SGCE: variants seen among roughly 807,000 people sequenced by gnomAD.
SGCE encodes sarcoglycan epsilon, also known as epsilon-sarcoglycan.
A neutral mutation model predicts 57.8 loss-of-function variants in SGCE; 26 were observed. The ratio of observed to expected loss-of-function variants is 0.45; its 90% CI spans 0.33 to 0.62. The LOEUF is 0.62. SGCE is among the 20% of genes least tolerant of loss of function. The pLI, the probability that SGCE is intolerant of heterozygous loss-of-function variation, is 0.02. For synonymous variants in SGCE, 183 were observed against 189.5 expected (o/e 0.97, Z 0.28); for missense variants, 468 against 548.6 (o/e 0.85, Z 1.47).
intron 1 of SGCE, among the ~76,000 whole-genome samples, chr7:94,651,256 A>C (rs533729920): frequency 6.6e-6 from 1 of 152,190 alleles, no homozygotes. Context: ...CCACTTAAAA[A>C]CCATGTTAAC....
At chr7:94,652,860 T>C (rs1344501451) in intron 1 of SGCE, among the ~76,000 whole-genome samples, 1 of 152,198 alleles carries the variant, frequency 6.6e-6, no homozygotes, top group Admixed American at 6.5e-5. Context: ...AGTCAGCAGG[T>C]TCGTAAATCC....
At chr7:94,587,922 C>T in intron 10 of SGCE, 3 of 1,449,130 alleles carry the variant, frequency 2.1e-6, no homozygotes, top group Non-Finnish European at 2.7e-6. Context: ...AGTTTCCCTA[C>T]CACAATGCCG....
chr7:94,603,557 C>T (rs1799606718), intron 5 of SGCE, 105 bp from the exon 6 acceptor site: 2 of 1,032,746 alleles, frequency 1.9e-6, no homozygotes, highest in African/African-American at 1.6e-5. Context: ...GAGAGATTAA[C>T]TAGACTCATC....
chr7:94,626,838 GC>G (rs919810337), intron 3 of SGCE: 4 of 151,906 alleles, frequency 2.6e-5, no homozygotes, highest in African/African-American at 9.7e-5. Flanking sequence ...GTAAAAACTG[GC>G]AAATTAAGGA....
At chr7:94,623,269 A>AT in intron 4 of SGCE, 56 bp downstream of exon 4, 1 of 1,102,604 alleles carries the variant, frequency 9.1e-7, no homozygotes, top group East Asian at 2.6e-5. Flanking sequence ...GTAGTTATAA[A>AT]ACATAATGAA....
At chr7:94,593,685 G>A (rs1362358940) in intron 9 of SGCE, among the ~76,000 whole-genome samples, 3 of 151,970 alleles carry the variant, frequency 2.0e-5, no homozygotes, top group Non-Finnish European at 4.4e-5. Context: ...AGGAGGTATG[G>A]AAGAGTCTAG....
intron 1 of SGCE, among the ~76,000 whole-genome samples, chr7:94,633,052 C>A (rs935211767): frequency 2.6e-5 from 4 of 152,004 alleles, no homozygotes; most frequent in African/African-American, 9.7e-5. Flanking sequence ...ATCTAATAAT[C>A]TCTGAAATAT....
intron 3 of SGCE, 185 bp downstream of exon 3, chr7:94,628,017 A>T (rs950642163): frequency 3.7e-6 from 2 of 535,746 alleles, no homozygotes; most frequent in Admixed American, 6.3e-5. Flanking sequence ...TGAAACAAAA[A>T]CTTTATAAAC....
chr7:94,650,963 A>C (rs928025630), intron 1 of SGCE, among the ~76,000 whole-genome samples: 4 of 152,166 alleles, frequency 2.6e-5, no homozygotes, highest in Non-Finnish European at 4.4e-5. Flanking sequence ...ATTTGTCAAA[A>C]TCTCTCTTTA....
At chr7:94,605,526 G>C (rs959845232) in intron 5 of SGCE, among the ~76,000 whole-genome samples, 1 of 151,334 alleles carries the variant, frequency 6.6e-6, no homozygotes, top group Non-Finnish European at 1.5e-5. Context: ...AATGATACAA[G>C]AGAGATGAGG....
At chr7:94,597,315 T>A (rs1422014950) in intron 9 of SGCE, 1 of 152,194 alleles carries the variant, frequency 6.6e-6, no homozygotes, top group Non-Finnish European at 1.5e-5. Flanking sequence ...TAAGTGATGT[T>A]AGAGAACTTT....
intron 5 of SGCE, 84 bp from the exon 6 acceptor site, chr7:94,603,536 C>T (rs1799602998): frequency 1.5e-6 from 2 of 1,333,588 alleles, no homozygotes; most frequent in Non-Finnish European, 2.1e-6. Flanking sequence ...CAGGATTTAG[C>T]CTTTTGAATT....
At chr7:94,610,199 G>GGGGGGAA (rs1368226909) in intron 5 of SGCE, among the ~76,000 whole-genome samples, 5 of 152,130 alleles carry the variant, frequency 3.3e-5, no homozygotes, top group South Asian at 2.1e-4. Flanking sequence ...GCCAGAAGTT[G>GGGGGGAA]GGGGGAAGGA....
chr7:94,633,054 C>G (rs1293037262), intron 1 of SGCE, among the ~76,000 whole-genome samples: 2 of 152,034 alleles, frequency 1.3e-5, no homozygotes, highest in African/African-American at 4.8e-5. Context: ...CTAATAATCT[C>G]TGAAATATAC....
intron 2 of SGCE, chr7:94,629,467 A>T (rs768318670): frequency 8.0e-5 from 32 of 401,658 alleles, no homozygotes; most frequent in Non-Finnish European, 1.3e-4. Flanking sequence ...ATATAGGTAG[A>T]TCACTTGTCA....
chr7:94,607,001 A>T (rs1443787069), intron 5 of SGCE, among the ~76,000 whole-genome samples: 1 of 152,162 alleles, frequency 6.6e-6, no homozygotes, highest in Non-Finnish European at 1.5e-5. Flanking sequence ...GAATGCATAC[A>T]TTAGAAAAGA....
intron 1 of SGCE, among the ~76,000 whole-genome samples, chr7:94,655,108 G>A (rs781338063): frequency 2.6e-5 from 4 of 152,216 alleles, no homozygotes; most frequent in Non-Finnish European, 5.9e-5. Flanking sequence ...CCGCTGGAAA[G>A]GATTAAACGT....
At chr7:94,652,929 G>A in intron 1 of SGCE, among the ~76,000 whole-genome samples, 1 of 152,066 alleles carries the variant, frequency 6.6e-6, no homozygotes, top group East Asian at 1.9e-4. Flanking sequence ...GTTATTATTT[G>A]ACAACTGAAA....
chr7:94,586,397 A>G (rs1293191593), intron 10 of SGCE: 1 of 152,224 alleles, frequency 6.6e-6, no homozygotes, highest in African/African-American at 2.4e-5. Flanking sequence ...AGAAATTGAG[A>G]AATAAACTTT....
Sources: allele counts gnomAD v4.1 joint callset (sites outside exome capture counted in the v4.1 genomes callset), GRCh38; gene constraint gnomAD v4.1.1; transcripts MANE v1.5; gene names NCBI Gene and HGNC (gene_info 2026-07-23, HGNC 2026-07-21).